The following PCDHGA3 variants were observed in gnomAD, a reference collection of about 807,000 sequenced individuals.
The protein encoded by PCDHGA3 is protocadherin gamma subfamily A, 3, also known as protocadherin gamma-A3.
Under a neutral mutation model 58.5 loss-of-function variants are expected in PCDHGA3, and 40 were observed. The ratio of observed to expected loss-of-function variants is 0.68; its 90% CI spans 0.53 to 0.89. The LOEUF (loss-of-function observed/expected upper bound fraction) is 0.89. Among genes scored for constraint, PCDHGA3 ranks in the 40% least tolerant of loss-of-function variants. PCDHGA3 has a pLI of 0.00. For missense variants in PCDHGA3, 1,223 were observed against 1,195.9 expected (o/e 1.02, Z -0.33); for synonymous variants, 530 against 525.7 (o/e 1.01, Z -0.11).
intron 1 of PCDHGA3, chr5:141,350,631 A>G (rs1199148713): frequency 1.9e-6 from 3 of 1,613,932 alleles, no homozygotes; most frequent in Non-Finnish European, 2.5e-6. Flanking sequence ...CAAGATATTA[A>G]TGACAATGCA....
At chr5:141,374,111 C>G (rs1169979924) in intron 1 of PCDHGA3, 3 of 1,576,926 alleles carry the variant, frequency 1.9e-6, no homozygotes, top group African/African-American at 1.4e-5. Context: ...GCATCCGCAG[C>G]GCAGCGAGCA....
chr5:141,354,396 T>C (rs1759533156), intron 1 of PCDHGA3, among the ~76,000 whole-genome samples: 1 of 152,220 alleles, frequency 6.6e-6, no homozygotes, highest in African/African-American at 2.4e-5. Context: ...TGGCCAAGAA[T>C]CTACTGTACA....
At chr5:141,364,591 G>T (rs754833725) in intron 1 of PCDHGA3, 3 of 1,614,194 alleles carry the variant, frequency 1.9e-6, no homozygotes, top group South Asian at 1.1e-5. Context: ...TGGTCACCGC[G>T]GGCAGGATAG....
intron 1 of PCDHGA3, chr5:141,423,117 G>A (rs1429958385): frequency 6.2e-7 from 1 of 1,613,698 alleles, no homozygotes; most frequent in Non-Finnish European, 8.5e-7. Flanking sequence ...TGCGTACAGC[G>A]CGGGCACTGC....
chr5:141,478,977 T>G (rs1004184325), intron 1 of PCDHGA3, among the ~76,000 whole-genome samples: 12 of 152,210 alleles, frequency 7.9e-5, no homozygotes, highest in Admixed American at 5.2e-4. Flanking sequence ...TTCAAGTGAT[T>G]GTGACATTTG....
intron 1 of PCDHGA3, chr5:141,350,782 CTT>C: frequency 6.2e-7 from 1 of 1,613,954 alleles, no homozygotes; most frequent in Non-Finnish European, 8.5e-7. Context: ...CCAATCAATA[CTT>C]CTCTCTGTCA....
At chr5:141,371,589 A>G in intron 1 of PCDHGA3, 1 of 1,613,602 alleles carries the variant, frequency 6.2e-7, no homozygotes, top group Non-Finnish European at 8.5e-7. Flanking sequence ...TCAAGATACC[A>G]AAAACACATA....
intron 2 of PCDHGA3, among the ~76,000 whole-genome samples, chr5:141,495,193 T>C (rs1471524188): frequency 6.6e-6 from 1 of 152,192 alleles, no homozygotes; most frequent in Admixed American, 6.5e-5. Context: ...TCTATGCCCA[T>C]GTACTGCCTA....
intron 1 of PCDHGA3, chr5:141,373,858 G>A: frequency 2.2e-6 from 1 of 460,298 alleles, no homozygotes. Context: ...CGTCGCTGTT[G>A]ACCAACCTGG....
rs1757429133 is a variant in PCDHGA3, at chr5:141,344,515, A to T, written c.482A>T (p.Asp161Val). 5 of 1,614,020 alleles carry T rather than the reference A, an allele frequency of 3.1e-6. No homozygotes were observed. The highest frequency in any genetic ancestry group is 3.4e-6 in the Non-Finnish European group (4 of 1,179,896). The part of the protein sequence containing the change: ...RFPIKTAFDP[D>V]VGINSLQNYK... ...CCAATTAAAACTGCTTTTGACCCAGATGTAGGCATTAACTCCCTGCAGAAC... is the reference window on the plus strand; with the variant it reads ...CCAATTAAAACTGCTTTTGACCCAGTTGTAGGCATTAACTCCCTGCAGAAC... The change falls in exon 1 of 4, where the codon GAT becomes GTT. Residue 161 changes from aspartate (D) to valine (V), a missense_variant. By Grantham distance (152) the Asp-to-Val change is radical (BLOSUM62 -3). This residue lies in a region of PCDHGA3 where 791 missense variants were observed against 708.5 expected (regional missense o/e 1.12). Coordinates refer to ENST00000253812, the MANE Select transcript of PCDHGA3 (RefSeq NM_018916.4).
chr5:141,433,397 A>ATCTATCTATCTG (rs2097600396), intron 1 of PCDHGA3, among the ~76,000 whole-genome samples: 2 of 150,410 alleles, frequency 1.3e-5, no homozygotes, highest in African/African-American at 2.5e-5. Flanking sequence ...CTATCTATCT[A>ATCTATCTATCTG]TCTATCTATT....
chr5:141,495,108 C>G (rs1304714928), intron 2 of PCDHGA3, among the ~76,000 whole-genome samples: 1 of 152,176 alleles, frequency 6.6e-6, no homozygotes, highest in Admixed American at 6.5e-5. Context: ...ACGACCGGCA[C>G]CTTTTCCTAT....
chr5:141,429,534 A>G (rs1036595279), intron 1 of PCDHGA3, among the ~76,000 whole-genome samples: 1 of 152,222 alleles, frequency 6.6e-6, no homozygotes. Context: ...GCTTAAAAAA[A>G]TAAGAACATG....
At chr5:141,492,385 G>A (rs1224771842) in intron 1 of PCDHGA3, among the ~76,000 whole-genome samples, 1 of 152,208 alleles carries the variant, frequency 6.6e-6, no homozygotes, top group Non-Finnish European at 1.5e-5. Context: ...GGCCTGTTCC[G>A]GTCCACTCGC....
Position 141,412,979 on chromosome 5 carries a change from C to G in PCDHGA3, c.2424+66522C>G, listed in dbSNP as rs2154544283. ...CACCTACTAGGAGAGAAAACGCAGCCAGAGCTCAATCCGGATTCTCAGGGC... is the reference window on the plus strand; with the variant it reads ...CACCTACTAGGAGAGAAAACGCAGCGAGAGCTCAATCCGGATTCTCAGGGC... On this transcript the variant is annotated intron_variant, in intron 1 of 3. Coordinates refer to ENST00000253812, the MANE Select transcript of PCDHGA3 (RefSeq NM_018916.4). 5.5e-6 allele frequency: 3 copies of G among 542,930 alleles called. No individual in the cohort carries two copies. In the East Asian group the frequency reaches 9.2e-5, roughly 17 times the overall value. 33.6% of individuals were successfully genotyped at this position (542,930 alleles called of 1,614,324 possible). A position where few individuals can be genotyped will look rare whatever the true frequency, so the allele number is the denominator to read the frequency against.
rs1219684339 is a variant in PCDHGA3, at chr5:141,506,444, CAAAAAAAAAAA to C, written c.2572+974_2572+984del. Among the ~76,000 whole-genome samples, 33 of 95,024 alleles carry C rather than the reference CAAAAAAAAAAA, an allele frequency of 3.5e-4. No individual in the cohort carries two copies. The East Asian group carries it at 0.011, about 31-fold the overall frequency. The allele number at this position is 95,024 out of a possible 152,430, so 62.3% of individuals were successfully genotyped here. On this transcript the variant is annotated intron_variant, in intron 3 of 3. Coordinates refer to ENST00000253812, the MANE Select transcript of PCDHGA3 (RefSeq NM_018916.4). ...CCTGGGCAACAGTCTCGCTCTGTCTCAAAAAAAAAAAAAAAAAAAAAGAGCACAGGCTTTAG... is the reference window on the plus strand; with the variant it reads ...CCTGGGCAACAGTCTCGCTCTGTCTCAAAAAAAAAAGAGCACAGGCTTTAG...
intron 1 of PCDHGA3, among the ~76,000 whole-genome samples, chr5:141,460,620 C>G (rs185269852): frequency 5.6e-4 from 85 of 151,856 alleles, no homozygotes; most frequent in African/African-American, 1.9e-3. Context: ...GATAGATAGA[C>G]AGATACAGAT....
chr5:141,382,594 A>C, intron 1 of PCDHGA3: 1 of 249,844 alleles, frequency 4.0e-6, no homozygotes, highest in Non-Finnish European at 7.6e-6. Context: ...GAAAGATGAA[A>C]CAATTTTCTA....
intron 1 of PCDHGA3, chr5:141,404,247 T>C: frequency 6.2e-7 from 1 of 1,613,870 alleles, no homozygotes; most frequent in Non-Finnish European, 8.5e-7. Flanking sequence ...ACTCCGCCCC[T>C]GTCCACAGAA....
Sources: gnomAD v4.1 joint callset for allele counts (sites outside exome capture counted in the v4.1 genomes callset) on GRCh38, gnomAD v4.1.1 for gene constraint, gnomAD v4.1.1 regional missense constraint, MANE v1.5 for transcripts, NCBI Gene and HGNC (gene_info 2026-07-23, HGNC 2026-07-21) for gene names.